Variants in AGBL2 observed in about 807,000 individuals in gnomAD.
The protein encoded by AGBL2 is AGBL carboxypeptidase 2.
A neutral mutation model predicts 103.0 loss-of-function variants in AGBL2; 87 were observed. The observed-to-expected ratio is 0.84, with a 90% CI of 0.71 to 1.01. The LOEUF is 1.01. Among genes scored for constraint, AGBL2 ranks in the 50% least tolerant of loss-of-function variants. The pLI, the probability that AGBL2 is intolerant of heterozygous loss-of-function variation, is 0.00. For missense variants in AGBL2, 904 were observed against 1,023.5 expected (o/e 0.88, Z 1.59); for synonymous variants, 335 against 356.7 (o/e 0.94, Z 0.69).
intron 4 of AGBL2, among the ~76,000 whole-genome samples, chr11:47,709,280 C>T (rs988983481): frequency 6.7e-6 from 1 of 149,946 alleles, no homozygotes; most frequent in South Asian, 2.1e-4. Flanking sequence ...CAAGAGGAGC[C>T]AGGAGACCAA....
In AGBL2 at chr11:47,663,117, A is replaced by C. The variant is rs1046067540; in HGVS notation, c.2449-5T>G. On this transcript the variant is annotated splice_polypyrimidine_tract_variant and splice_region_variant and intron_variant, in intron 17 of 18. Coordinates refer to ENST00000525123, the MANE Select transcript of AGBL2 (RefSeq NM_024783.4). The stretch of plus-strand genomic sequence containing the variant: ...GTCTCTTCTATTTAAATTTGTCTAA[A>C]ATAAATGAACATATCCTCACTAAAT... 6.3e-7 allele frequency: 1 copy of C among 1,576,356 alleles called. No homozygotes were observed. The highest frequency in any genetic ancestry group is 8.6e-7 in the Non-Finnish European group (1 of 1,163,690).
At chr11:47,689,846 ACT>A in intron 10 of AGBL2, among the ~76,000 whole-genome samples, 1 of 152,058 alleles carries the variant, frequency 6.6e-6, no homozygotes, top group East Asian at 1.9e-4. Context: ...AAGTGAAATG[ACT>A]CTTGCTGAAA....
chr11:47,690,485 G>T lies in AGBL2; in HGVS notation c.1222C>A (p.Leu408Met), dbSNP rs1021536798. The change falls in exon 10 of 19, where the codon CTG becomes ATG. Residue 408 changes from leucine to methionine, a missense_variant. Transcript: ENST00000525123. ...TGGATAGGGTTGTTTGCCACTGACA[G>T]GAGGTAGCATTGCAAATCAGTGTAT... ...YTYTDLQCYL[L>M]SVANNPIQSQ... 33 of 1,614,032 alleles carry T rather than the reference G, an allele frequency of 2.0e-5. No individual in the cohort carries two copies. Among genetic ancestry groups the T allele is most frequent in the Non-Finnish European group, 2.8e-5 (33 of 1,180,032 alleles).
intron 4 of AGBL2, among the ~76,000 whole-genome samples, chr11:47,708,605 A>G (rs2153805479): frequency 6.7e-6 from 1 of 148,334 alleles, no homozygotes; most frequent in South Asian, 2.2e-4. Context: ...CGCGAGGTCA[A>G]GAGATCAAGA....
intron 7 of AGBL2, among the ~76,000 whole-genome samples, chr11:47,701,406 G>T (rs2097498606): frequency 6.6e-6 from 1 of 150,708 alleles, no homozygotes; most frequent in East Asian, 2.0e-4. Flanking sequence ...GGAGGCGGAG[G>T]TTGCAGTGAG....
Position 47,671,206 on chromosome 11 carries a change from G to T in AGBL2, c.2148-2299C>A, listed in dbSNP as rs188157233. The stretch of plus-strand genomic sequence containing the variant: ...CCAAGAGCTGTTCTCTATGACAGGG[G>T]TCTATACACACAGTTTACTGGCACA... On this transcript the variant is annotated intron_variant, in intron 14 of 18. Coordinates refer to ENST00000525123, the MANE Select transcript of AGBL2 (RefSeq NM_024783.4). Among the ~76,000 whole-genome samples, 16 of 152,084 alleles carry T rather than the reference G, an allele frequency of 1.1e-4. No individual in the cohort carries two copies. In the East Asian group the frequency reaches 3.1e-3, roughly 30 times the overall value.
At chr11:47,660,926 A>G (rs576723113) in intron 18 of AGBL2, among the ~76,000 whole-genome samples, 1 of 152,288 alleles carries the variant, frequency 6.6e-6, no homozygotes, top group Admixed American at 6.5e-5. Context: ...GAAACATTAC[A>G]CAAAAAAATA....
intron 4 of AGBL2, among the ~76,000 whole-genome samples, chr11:47,708,802 G>C (rs1223728739): frequency 6.8e-6 from 1 of 146,432 alleles, no homozygotes; most frequent in Non-Finnish European, 1.5e-5. Flanking sequence ...GACAGAGCAA[G>C]ACTCTGTCTC....
intron 11 of AGBL2, among the ~76,000 whole-genome samples, chr11:47,682,913 T>A (rs915949285): frequency 6.6e-6 from 1 of 151,740 alleles, no homozygotes; most frequent in African/African-American, 2.4e-5. Context: ...CCTGCTTCAA[T>A]TAGTTTGTTT....
Position 47,714,716 on chromosome 11 carries a change from AATTTCCAAATAGGCAGCTG to A in AGBL2, c.-85_-67del. On this transcript the variant is annotated 5_prime_UTR_variant, in exon 2 of 19. Coordinates refer to ENST00000525123, the MANE Select transcript of AGBL2 (RefSeq NM_024783.4). ...TAGCATCCAGTCGCAAACCCTGCCC[AATTTCCAAATAGGCAGCTG>A]ATTACACAAGAGAAGCTACAAAGCC... 6.7e-7 allele frequency: 1 copy of A among 1,483,168 alleles called. No homozygotes were observed. The highest frequency in any genetic ancestry group is 9.4e-7 in the Non-Finnish European group (1 of 1,061,116). 91.9% of individuals were successfully genotyped at this position (1,483,168 alleles called of 1,614,324 possible). A position where few individuals can be genotyped will look rare whatever the true frequency, so the allele number is the denominator to read the frequency against.
chr11:47,711,432 C>T (rs141543763), intron 3 of AGBL2, among the ~76,000 whole-genome samples: 3 of 152,324 alleles, frequency 2.0e-5, no homozygotes, highest in East Asian at 1.9e-4. Flanking sequence ...CACCCCTCCC[C>T]GGAGCTCAGA....
chr11:47,676,622 A>G (rs976379524), intron 14 of AGBL2, among the ~76,000 whole-genome samples: 10 of 152,118 alleles, frequency 6.6e-5, no homozygotes, highest in Admixed American at 1.3e-4. Context: ...GATTGAGACC[A>G]TCCTGGCTAA....
At chr11:47,696,771 AC>A (rs1377344195) in intron 8 of AGBL2, among the ~76,000 whole-genome samples, 1 of 151,812 alleles carries the variant, frequency 6.6e-6, no homozygotes, top group Non-Finnish European at 1.5e-5. Flanking sequence ...TCCTTATGTT[AC>A]CTTTTTCATT....
chr11:47,692,897 C>A (rs1262162152), intron 8 of AGBL2, among the ~76,000 whole-genome samples: 8 of 152,046 alleles, frequency 5.3e-5, no homozygotes, highest in African/African-American at 1.7e-4. Flanking sequence ...CAGTTCACTG[C>A]AGCCTCTACC....
chr11:47,671,347 T>C (rs2097356781), intron 14 of AGBL2, among the ~76,000 whole-genome samples: 1 of 151,888 alleles, frequency 6.6e-6, no homozygotes, highest in Non-Finnish European at 1.5e-5. Context: ...AAACTCCATC[T>C]CTACTAAAAA....
At chr11:47,665,028 T>C (rs2153802595) in intron 17 of AGBL2, among the ~76,000 whole-genome samples, 1 of 151,798 alleles carries the variant, frequency 6.6e-6, no homozygotes, top group East Asian at 1.9e-4. Context: ...ACTATAAGCA[T>C]GCGCCACCAT....
intron 14 of AGBL2, among the ~76,000 whole-genome samples, chr11:47,676,374 G>A (rs2097374651): frequency 6.6e-6 from 1 of 152,056 alleles, no homozygotes; most frequent in Non-Finnish European, 1.5e-5. Context: ...TCTGGTCTAA[G>A]CCTCCATTAC....
At chr11:47,696,209 T>C (rs1214265303) in intron 8 of AGBL2, among the ~76,000 whole-genome samples, 1 of 147,160 alleles carries the variant, frequency 6.8e-6, no homozygotes, top group Non-Finnish European at 1.5e-5. Context: ...AAAAAAGATT[T>C]CAAACAAACC....
At chr11:47,695,555 G>T (rs530345638) in intron 8 of AGBL2, among the ~76,000 whole-genome samples, 363 of 147,306 alleles carry the variant, frequency 2.5e-3, no homozygotes, top group Middle Eastern at 0.016. Flanking sequence ...TGGGTAGATT[G>T]CTTGAGCACA....
Sources: allele counts gnomAD v4.1 joint callset (sites outside exome capture counted in the v4.1 genomes callset), GRCh38; gene constraint gnomAD v4.1.1; transcripts MANE v1.5; gene names NCBI Gene and HGNC (gene_info 2026-07-23, HGNC 2026-07-21).